LARGE1: variants seen among roughly 807,000 people sequenced by gnomAD.
The protein encoded by LARGE1 is LARGE xylosyl- and glucuronyltransferase 1, also known as xylosyl- and glucuronyltransferase LARGE1.
Under a neutral mutation model 87.6 loss-of-function variants are expected in LARGE1, and 43 were observed. The ratio of observed to expected loss-of-function variants is 0.49; its 90% confidence interval spans 0.38 to 0.63. The LOEUF is 0.63. LARGE1 is among the 30% of genes least tolerant of loss of function. The probability of loss-of-function intolerance (pLI) is 0.00; values close to 1 mark genes in which losing one functional copy is unlikely to be tolerated. For synonymous variants in LARGE1, 434 were observed against 394.6 expected, an observed-to-expected ratio of 1.10 and a Z score of -1.18; for missense variants, 802 against 1,000.2, an observed-to-expected ratio of 0.80 and a Z score of 2.67.
At chr22:33,850,741 G>A (rs1392516928) in intron 1 of LARGE1, among the ~76,000 whole-genome samples, 1 of 152,034 alleles carries the variant, frequency 6.6e-6, no homozygotes, top group Non-Finnish European at 1.5e-5. Flanking sequence ...CAGAGTGGAG[G>A]GGGATAGGGC....
intron 1 of LARGE1, among the ~76,000 whole-genome samples, chr22:33,875,151 A>C (rs909376727): frequency 6.6e-6 from 1 of 152,186 alleles, no homozygotes; most frequent in Non-Finnish European, 1.5e-5. Flanking sequence ...TTGCCTCCAG[A>C]GGGGCAATTT....
chr22:33,861,107 C>T (rs1218702611), intron 1 of LARGE1, among the ~76,000 whole-genome samples: 1 of 152,162 alleles, frequency 6.6e-6, no homozygotes, highest in Non-Finnish European at 1.5e-5. Flanking sequence ...CACCTCTCTT[C>T]TTCCTCCTTT....
intron 6 of LARGE1, among the ~76,000 whole-genome samples, chr22:33,479,106 C>A (rs140707528): frequency 6.6e-6 from 1 of 152,280 alleles, no homozygotes; most frequent in East Asian, 1.9e-4. Flanking sequence ...CAAGCAGGTG[C>A]CAACTTCCTC....
chr22:33,875,893 G>A (rs913336087), intron 1 of LARGE1, among the ~76,000 whole-genome samples: 9 of 152,148 alleles, frequency 5.9e-5, no homozygotes, highest in African/African-American at 1.9e-4. Flanking sequence ...TTCAGTGCCC[G>A]GGGGCCAGGA....
At chr22:33,892,086 C>A (rs549638083) in intron 1 of LARGE1, among the ~76,000 whole-genome samples, 1 of 152,298 alleles carries the variant, frequency 6.6e-6, no homozygotes. Context: ...CACAAAACTA[C>A]AAAGCTTCTT....
Position 33,865,832 on chromosome 22 carries a change from C to CTTTTTTTTTTT in LARGE1, c.-83+54152_-83+54162dup, listed in dbSNP as rs3072359. Among the ~76,000 whole-genome samples the CTTTTTTTTTTT allele has an allele frequency of 1.7e-3, 48 of 28,394 alleles. 17 individuals carry two copies. The highest frequency in any genetic ancestry group is 2.5e-3 in the African/African-American group (23 of 9,350). The allele number at this position is 28,394 out of a possible 152,430, so 18.6% of individuals were successfully genotyped here. ...TAAGCATTCAATGTTAGCTGTTATT[C>CTTTTTTTTTTT]TTTTTTTTTTTTTTTTTTTTTTTTT... On this transcript the variant is annotated intron_variant, in intron 1 of 14. Transcript: ENST00000397394.
chr22:33,330,671 G>C (rs1287807768), intron 10 of LARGE1, among the ~76,000 whole-genome samples: 2 of 152,176 alleles, frequency 1.3e-5, no homozygotes, highest in African/African-American at 2.4e-5. Context: ...AACTATGAGA[G>C]ACAAGTGGCT....
At chr22:33,627,960 G>GC (rs2079975178) in intron 3 of LARGE1, among the ~76,000 whole-genome samples, 2 of 152,018 alleles carry the variant, frequency 1.3e-5, no homozygotes, top group South Asian at 4.2e-4. Context: ...CTCCATGCTG[G>GC]CCCCCACCAG....
At chr22:33,069,531 A>G in the LARGE1 span, among the ~76,000 whole-genome samples, 1 of 152,148 alleles carries the variant, frequency 6.6e-6, no homozygotes, top group Non-Finnish European at 1.5e-5. Context: ...CTGCCAAGTT[A>G]CTTACAATTT....
chr22:33,881,801 C>G (rs2064692180), intron 1 of LARGE1, among the ~76,000 whole-genome samples: 1 of 152,074 alleles, frequency 6.6e-6, no homozygotes, highest in Non-Finnish European at 1.5e-5. Flanking sequence ...AAATAGGAAC[C>G]CTTAAGTGAG....
In LARGE1 at chr22:33,401,012, C is replaced by A. The variant is rs977945169; in HGVS notation, c.893-16708G>T. Among the ~76,000 whole-genome samples the A allele has an allele frequency of 2.0e-5, 3 of 152,152 alleles. No homozygotes were observed. In the East Asian group the frequency reaches 5.8e-4, roughly 29 times the overall value. The stretch of plus-strand genomic sequence containing the variant: ...CATCCCCTGGTGGCTGGTTCCTGAT[C>A]GGAAGCTTTGGCAACAGCTTGGAGG... On this transcript the variant is annotated intron_variant, in intron 7 of 14. Coordinates refer to ENST00000397394, the MANE Select transcript of LARGE1 (RefSeq NM_133642.5).
At chr22:33,101,017 T>G in the LARGE1 span, among the ~76,000 whole-genome samples, 1 of 151,808 alleles carries the variant, frequency 6.6e-6, no homozygotes, top group Non-Finnish European at 1.5e-5. Flanking sequence ...GGCTAATTTT[T>G]TATTTTTAGT....
At chr22:33,656,220 C>T (rs2080956531) in intron 2 of LARGE1, among the ~76,000 whole-genome samples, 1 of 152,140 alleles carries the variant, frequency 6.6e-6, no homozygotes, top group African/African-American at 2.4e-5. Context: ...ACTCACAGTT[C>T]CTCATGGTTT....
At chr22:33,406,920 G>A (rs1028616248) in intron 7 of LARGE1, among the ~76,000 whole-genome samples, 1 of 152,018 alleles carries the variant, frequency 6.6e-6, no homozygotes, top group Non-Finnish European at 1.5e-5. Context: ...AGCCTCCCAA[G>A]GAGCTGGGAT....
chr22:33,435,777 T>C (rs535925242), intron 6 of LARGE1, among the ~76,000 whole-genome samples: 2 of 152,328 alleles, frequency 1.3e-5, no homozygotes, highest in African/African-American at 4.8e-5. Flanking sequence ...AGTTTGTACC[T>C]GGGCTGCATT....
At chr22:33,895,002 C>G (rs951905099) in intron 1 of LARGE1, among the ~76,000 whole-genome samples, 3 of 151,836 alleles carry the variant, frequency 2.0e-5, no homozygotes, top group Non-Finnish European at 4.4e-5. Context: ...TTAGAGCCAC[C>G]CTAGAAAATC....
chr22:33,677,420 A>C (rs537025604), intron 2 of LARGE1, among the ~76,000 whole-genome samples: 1 of 152,298 alleles, frequency 6.6e-6, no homozygotes, highest in East Asian at 1.9e-4. Flanking sequence ...AGGAACTGGA[A>C]ACCCACTGGA....
At chr22:33,744,131 C>T (rs2083992293) in intron 2 of LARGE1, 1 of 152,174 alleles carries the variant, frequency 6.6e-6, no homozygotes. Flanking sequence ...AATCACAGAT[C>T]TGAAGTTTAT....
At chr22:33,315,638 C>CT (rs1268381367) in intron 11 of LARGE1, among the ~76,000 whole-genome samples, 14 of 150,728 alleles carry the variant, frequency 9.3e-5, no homozygotes, top group Admixed American at 7.3e-4. Context: ...CTTTTTTTTT[C>CT]TTTTTTTTAA....
Sources: gnomAD v4.1 joint callset for allele counts (sites outside exome capture counted in the v4.1 genomes callset) on GRCh38, gnomAD v4.1.1 for gene constraint, MANE v1.5 for transcripts, NCBI Gene and HGNC (gene_info 2026-07-23, HGNC 2026-07-21) for gene names.